The following PRUNE2 variants were observed in gnomAD, a reference collection of about 807,000 sequenced individuals.
PRUNE2 encodes prune homolog 2 with BCH domain.
PRUNE2 carries 164 observed loss-of-function variants against 252.0 expected under a neutral mutation model. That is an observed-to-expected ratio of 0.65 (90% confidence interval 0.57 to 0.74). The LOEUF (loss-of-function observed/expected upper bound fraction) is 0.74. Ranked by LOEUF, PRUNE2 falls within the 30% of genes least tolerant of loss-of-function variation. PRUNE2 has a pLI of 0.00. For synonymous variants in PRUNE2, 1,292 were observed against 1,350.2 expected, an observed-to-expected ratio of 0.96 and a Z score of 0.94; for missense variants, 3,495 against 3,711.0, an observed-to-expected ratio of 0.94 and a Z score of 1.51.
intron 4 of PRUNE2, among the ~76,000 whole-genome samples, chr9:76,830,988 T>G (rs1334430343): frequency 2.0e-5 from 3 of 151,604 alleles, no homozygotes; most frequent in African/African-American, 4.9e-5. Flanking sequence ...GGAGTGCAGT[T>G]GCGTGATCTC....
intron 6 of PRUNE2, among the ~76,000 whole-genome samples, chr9:76,806,060 TTGAAACC>T (rs1268148635): frequency 6.6e-6 from 1 of 152,094 alleles, no homozygotes; most frequent in Non-Finnish European, 1.5e-5. Context: ...CATCCAAAAG[TTGAAACC>T]TGAATCAACT....
intron 1 of PRUNE2, among the ~76,000 whole-genome samples, chr9:76,905,308 G>A (rs112378385): frequency 0.057 from 8,628 of 152,228 alleles, 352 homozygotes; most frequent in Middle Eastern, 0.096. Flanking sequence ...GGAGAACGAT[G>A]ATCTGGTAAA....
intron 12 of PRUNE2, among the ~76,000 whole-genome samples, chr9:76,641,416 T>C (rs1245806608): frequency 1.3e-5 from 2 of 152,198 alleles, no homozygotes; most frequent in African/African-American, 2.4e-5. Flanking sequence ...GGTAATACTG[T>C]AATTTTTCTA....
In PRUNE2 at chr9:76,871,972, T is replaced by C. The variant is rs148037492; in HGVS notation, c.37-17764A>G. On this transcript the variant is annotated intron_variant, in intron 1 of 18. Coordinates refer to ENST00000376718, the MANE Select transcript of PRUNE2 (RefSeq NM_015225.3). ...TAAAATTACGCTGTAGATAGTGACATTGTAAAAAATGAAAATAGTCAACAT... is the reference window on the plus strand; with the variant it reads ...TAAAATTACGCTGTAGATAGTGACACTGTAAAAAATGAAAATAGTCAACAT... Among the ~76,000 whole-genome samples the C allele has an allele frequency of 9.7e-3, 1,473 of 152,156 alleles. 24 individuals carry two copies. The highest frequency in any genetic ancestry group is 0.034 in the African/African-American group (1,398 of 41,488).
intron 6 of PRUNE2, among the ~76,000 whole-genome samples, chr9:76,742,510 T>C (rs886637238): frequency 1.3e-5 from 2 of 151,790 alleles, no homozygotes; most frequent in African/African-American, 4.8e-5. Context: ...CCAAGCTACT[T>C]GGGAGGCTGA....
intron 6 of PRUNE2, among the ~76,000 whole-genome samples, chr9:76,776,361 C>T (rs946104681): frequency 1.3e-5 from 2 of 151,964 alleles, no homozygotes; most frequent in South Asian, 4.1e-4. Context: ...ACTGTTTAGC[C>T]CCCACTTACA....
At chr9:76,838,067 A>G (rs1446650638) in intron 4 of PRUNE2, among the ~76,000 whole-genome samples, 7 of 152,004 alleles carry the variant, frequency 4.6e-5, no homozygotes, top group Admixed American at 4.6e-4. Flanking sequence ...CACTGTGCCC[A>G]GCCACCAAAT....
chr9:76,897,009 T>G (rs2062860785), intron 1 of PRUNE2, among the ~76,000 whole-genome samples: 1 of 152,232 alleles, frequency 6.6e-6, no homozygotes, highest in Admixed American at 6.5e-5. Context: ...CAAATGGGCA[T>G]GCAGTGAGAA....
chr9:76,792,500 A>G (rs761508133), intron 6 of PRUNE2, among the ~76,000 whole-genome samples: 6 of 152,248 alleles, frequency 3.9e-5, no homozygotes, highest in Non-Finnish European at 8.8e-5. Context: ...AGAGGGCTGC[A>G]GGATGCTTCT....
At position 76,708,366 on chromosome 9, in the gene PRUNE2, C is replaced by T. The variant is rs755442638; in HGVS notation, c.3908G>A (p.Arg1303Lys). ...TGGAAAATACCCTGGATTCTCAAGC[C>T]TAGTCGCCAAGGATGCTGCATCACT... Reference protein sequence around the residue: ...LQSDAASLATRLENPGYFPHP... With the variant: ...LQSDAASLATKLENPGYFPHP... The change falls in exon 8 of 19, where the codon AGG (arginine) becomes AAG (lysine). Residue 1303 changes from arginine to lysine, a missense_variant. Physicochemically the swap from Arg to Lys is conservative, Grantham distance 26 (BLOSUM62 2). Transcript: ENST00000376718. 1 of 1,613,826 alleles carries T rather than the reference C, an allele frequency of 6.2e-7. No homozygotes were observed. The highest frequency in any genetic ancestry group is 8.5e-7 in the Non-Finnish European group (1 of 1,179,884).
chr9:76,657,844 T>G (rs1849808772), intron 9 of PRUNE2, among the ~76,000 whole-genome samples: 1 of 152,226 alleles, frequency 6.6e-6, no homozygotes, highest in Non-Finnish European at 1.5e-5. Flanking sequence ...ATCTTATTAC[T>G]GCACAAATCT....
At position 76,638,195 on chromosome 9, in the gene PRUNE2, T is replaced by G; in HGVS notation, c.8822A>C (p.Asn2941Thr). ...CATAAGTATCACTCACAGGAAAAGATTTTCCATGACATAGTGGTAATCCGC... is the reference window on the plus strand; with the variant it reads ...CATAAGTATCACTCACAGGAAAAGAGTTTCCATGACATAGTGGTAATCCGC... ...SRADYHYVME[N>T]LFLYVISTLE... Residue 2941 changes from asparagine (N) to threonine (T), a missense_variant, in exon 13 of 19, where the codon AAT becomes ACT. By Grantham distance (65) the Asn-to-Thr change is moderately conservative (BLOSUM62 0). Coordinates refer to ENST00000376718, the MANE Select transcript of PRUNE2 (RefSeq NM_015225.3). 1 of 1,610,604 alleles carries G rather than the reference T, an allele frequency of 6.2e-7. No individual in the cohort carries two copies. The highest frequency in any genetic ancestry group is 8.5e-7 in the Non-Finnish European group (1 of 1,176,996).
intron 3 of PRUNE2, among the ~76,000 whole-genome samples, chr9:76,847,944 G>C (rs1454010408): frequency 6.6e-6 from 1 of 152,110 alleles, no homozygotes; most frequent in Non-Finnish European, 1.5e-5. Flanking sequence ...GTATTTATCT[G>C]TGTCTCTTTG....
intron 6 of PRUNE2, among the ~76,000 whole-genome samples, chr9:76,720,893 C>A (rs953556021): frequency 1.3e-5 from 2 of 152,056 alleles, no homozygotes; most frequent in Admixed American, 1.3e-4. Context: ...GCGGGCGGAT[C>A]ACAAGATCAG....
At chr9:76,830,219 G>A (rs1782372836) in intron 4 of PRUNE2, among the ~76,000 whole-genome samples, 1 of 152,182 alleles carries the variant, frequency 6.6e-6, no homozygotes, top group Non-Finnish European at 1.5e-5. Flanking sequence ...TAAGAGAGAT[G>A]GAGAAATGGA....
chr9:76,758,020 A>T (rs904218305), intron 6 of PRUNE2, among the ~76,000 whole-genome samples: 3 of 152,214 alleles, frequency 2.0e-5, no homozygotes, highest in African/African-American at 4.8e-5. Flanking sequence ...GAATTAAAAA[A>T]TTTTTTAAAT....
intron 17 of PRUNE2, among the ~76,000 whole-genome samples, chr9:76,621,854 A>G (rs1349220934): frequency 6.6e-6 from 1 of 151,688 alleles, no homozygotes; most frequent in African/African-American, 2.4e-5. Context: ...GCTAATTAAA[A>G]AAATTTTTTT....
At position 76,627,153 on chromosome 9, in the gene PRUNE2, T is replaced by G. The variant is rs1007105176; in HGVS notation, c.9149+2039A>C. Among the ~76,000 whole-genome samples the G allele has an allele frequency of 5.9e-5, 9 of 152,094 alleles. No individual in the cohort carries two copies. The East Asian group carries it at 9.7e-4, about 16-fold the overall frequency. ...TCTCACTCTGTCAACCAGGCTTGAGTGCAGTGGTGCGATCTCGGCTCACTG... is the reference window on the plus strand; with the variant it reads ...TCTCACTCTGTCAACCAGGCTTGAGGGCAGTGGTGCGATCTCGGCTCACTG... On this transcript the variant is annotated intron_variant, in intron 16 of 18. Transcript: ENST00000376718.
chr9:76,782,579 A>G (rs1311056987), intron 6 of PRUNE2: 2 of 152,248 alleles, frequency 1.3e-5, no homozygotes, highest in Non-Finnish European at 1.5e-5. Flanking sequence ...GCCATATGTT[A>G]AGTTCCATGT....
Sources: allele counts gnomAD v4.1 joint callset (sites outside exome capture counted in the v4.1 genomes callset), GRCh38; gene constraint gnomAD v4.1.1; transcripts MANE v1.5; gene names NCBI Gene and HGNC (gene_info 2026-07-23, HGNC 2026-07-21).